LRP1B: variants seen among roughly 807,000 people sequenced by gnomAD.
LRP1B encodes the protein LDL receptor related protein 1B.
A neutral mutation model predicts 556.6 loss-of-function variants in LRP1B; 217 were observed. The observed-to-expected ratio is 0.39, with a 90% CI of 0.35 to 0.44. The LOEUF (loss-of-function observed/expected upper bound fraction) is 0.44, where lower values mean the gene tolerates loss of function less well. LRP1B is among the 20% of genes least tolerant of loss of function. The probability of loss-of-function intolerance (pLI) is 1.00; values close to 1 mark genes in which losing one functional copy is unlikely to be tolerated. For synonymous variants in LRP1B, 2,047 were observed against 1,865.8 expected (o/e 1.10, Z -2.50); for missense variants, 5,053 against 5,620.8 (o/e 0.90, Z 3.23).
rs766533788 is a variant in LRP1B, at chr2:141,498,233, AAC to A, written c.206-17702_206-17701del. On this transcript the variant is annotated intron_variant, in intron 2 of 90. Transcript: ENST00000389484. ...ACACATTTTTAAACAAAACCAAACA[AAC>A]AAAAAACAGGAAGACTTTGGTGGTC... Among the ~76,000 whole-genome samples the A allele has an allele frequency of 4.4e-3, 656 of 148,582 alleles. 2 individuals are homozygous for A. The highest frequency in any genetic ancestry group is 8.2e-3 in the Non-Finnish European group (554 of 67,170).
rs182678803 is a variant in LRP1B at position 140,467,873 on chromosome 2, A to G, written c.9625+7265T>C. ...TAAAATGCAAGGAGAGAAAGGAATT[A>G]CAAATGGAATTTATAACCAAAATGA... On this transcript the variant is annotated intron_variant, in intron 60 of 90. Coordinates refer to ENST00000389484, the MANE Select transcript of LRP1B (RefSeq NM_018557.3). Among the ~76,000 whole-genome samples the G allele has an allele frequency of 1.7e-3, 253 of 152,332 alleles. 3 individuals carry two copies. The highest frequency in any genetic ancestry group is 2.3e-3 in the Non-Finnish European group (155 of 68,032).
chr2:140,776,504 T>TTTTTTTTTGAGACGGAGTCTCGCTC (rs1383262771), intron 32 of LRP1B, among the ~76,000 whole-genome samples: 1 of 148,684 alleles, frequency 6.7e-6, no homozygotes, highest in Non-Finnish European at 1.5e-5. Flanking sequence ...TTCTTATATT[T>TTTTTTTTTGAGACGGAGTCTCGCTC]TACATAACAT....
chr2:140,619,367 T>C (rs1683373176), intron 41 of LRP1B, among the ~76,000 whole-genome samples: 2 of 152,128 alleles, frequency 1.3e-5, no homozygotes, highest in African/African-American at 2.4e-5. Context: ...TAAAGATATG[T>C]GTGTGTATGT....
At chr2:140,957,479 A>C (rs184976092) in intron 18 of LRP1B, among the ~76,000 whole-genome samples, 1 of 146,908 alleles carries the variant, frequency 6.8e-6, no homozygotes, top group African/African-American at 2.4e-5. Context: ...TAGGAAGTAC[A>C]TATACAATGA....
At chr2:141,487,131 C>A (rs927222318) in intron 2 of LRP1B, among the ~76,000 whole-genome samples, 3 of 152,106 alleles carry the variant, frequency 2.0e-5, no homozygotes, top group Non-Finnish European at 2.9e-5. Context: ...CCACCTTTTG[C>A]CTGGGAAACA....
intron 27 of LRP1B, among the ~76,000 whole-genome samples, chr2:140,857,229 A>G (rs1255882230): frequency 1.3e-5 from 2 of 152,156 alleles, no homozygotes; most frequent in Non-Finnish European, 2.9e-5. Context: ...ATCATGCTCA[A>G]AGCAGAATGC....
chr2:141,650,167 A>T (rs754390087), intron 2 of LRP1B, among the ~76,000 whole-genome samples: 1 of 152,160 alleles, frequency 6.6e-6, no homozygotes, highest in Non-Finnish European at 1.5e-5. Context: ...GTGACAGAGC[A>T]AAGAGGAATG....
intron 47 of LRP1B, 104 bp from the exon 48 acceptor site, chr2:140,526,454 G>A: frequency 1.2e-6 from 1 of 829,752 alleles, no homozygotes; most frequent in Non-Finnish European, 1.9e-6. Context: ...GTTTGGTTTT[G>A]CTTTCGTAAC....
intron 7 of LRP1B, among the ~76,000 whole-genome samples, chr2:141,089,571 G>C (rs1159397686): frequency 6.6e-6 from 1 of 152,178 alleles, no homozygotes; most frequent in Non-Finnish European, 1.5e-5. Context: ...TATTATATTA[G>C]TTTTATATTC....
In LRP1B at chr2:140,270,363, A is replaced by T. The variant is rs759609807; in HGVS notation, c.13143-17T>A. 6.7e-7 allele frequency: 1 copy of T among 1,502,686 alleles called. No homozygotes were observed. Among genetic ancestry groups the T allele is most frequent in the Non-Finnish European group, 9.3e-7 (1 of 1,079,238 alleles). The allele number at this position is 1,502,686 out of a possible 1,614,324, so 93.1% of individuals were successfully genotyped here. ...TTAGTGCAGCTGCAACAACAAAGAAAAAAAGAACAATTTCATTGTTATTGG... is the reference window on the plus strand; with the variant it reads ...TTAGTGCAGCTGCAACAACAAAGAATAAAAGAACAATTTCATTGTTATTGG... On this transcript the variant is annotated splice_polypyrimidine_tract_variant and intron_variant, in intron 85 of 90. Transcript: ENST00000389484.
intron 1 of LRP1B, among the ~76,000 whole-genome samples, chr2:141,985,851 A>G (rs901466977): frequency 6.6e-6 from 1 of 151,976 alleles, no homozygotes; most frequent in African/African-American, 2.4e-5. Context: ...ATGAATCCCC[A>G]AAATGATTTG....
At chr2:141,415,207 G>T (rs1219489821) in intron 3 of LRP1B, among the ~76,000 whole-genome samples, 1 of 152,098 alleles carries the variant, frequency 6.6e-6, no homozygotes. Flanking sequence ...TAGAGACGGG[G>T]TTTCACCGTA....
At chr2:141,904,358 A>G (rs1013267774) in intron 1 of LRP1B, among the ~76,000 whole-genome samples, 1 of 151,830 alleles carries the variant, frequency 6.6e-6, no homozygotes, top group Non-Finnish European at 1.5e-5. Flanking sequence ...ACTGATAGCA[A>G]GGGTGTGAGG....
intron 17 of LRP1B, among the ~76,000 whole-genome samples, chr2:140,987,768 T>A (rs1418499162): frequency 6.6e-6 from 1 of 152,066 alleles, no homozygotes; most frequent in Non-Finnish European, 1.5e-5. Flanking sequence ...GCACATCACT[T>A]GCAGCCAGGA....
chr2:140,863,663 A>G lies in LRP1B; in HGVS notation c.4579+3927T>C, dbSNP rs565373382. Reference sequence around the variant, plus strand: ...AAAATGCAACCCCTCCAAGTTAGTAATTTGCCTCAGGTAACATGGCTAGTG... The same window carrying G: ...AAAATGCAACCCCTCCAAGTTAGTAGTTTGCCTCAGGTAACATGGCTAGTG... On this transcript the variant is annotated intron_variant, in intron 27 of 90. Transcript: ENST00000389484. 7.9e-5 allele frequency among the ~76,000 whole-genome samples: 12 copies of G among 152,208 alleles called. No homozygotes were observed. In the South Asian group the frequency reaches 2.3e-3, roughly 29 times the overall value.
Position 141,510,062 on chromosome 2 carries a change from A to G in LRP1B, c.206-29529T>C, listed in dbSNP as rs1457447012. ...GGGGACCAAAAAATGACAATTCAGAAAAAAAAGTACTCTTTCTCATTTCTA... is the reference window on the plus strand; with the variant it reads ...GGGGACCAAAAAATGACAATTCAGAGAAAAAAGTACTCTTTCTCATTTCTA... On this transcript the variant is annotated intron_variant, in intron 2 of 90. Transcript: ENST00000389484. 2.6e-5 allele frequency among the ~76,000 whole-genome samples: 4 copies of G among 152,096 alleles called. 1 individual carries two copies. The highest frequency in any genetic ancestry group is 2.0e-4 in the Admixed American group (3 of 15,244).
At chr2:140,277,481 G>A (rs1030517832) in intron 84 of LRP1B, among the ~76,000 whole-genome samples, 3 of 151,918 alleles carry the variant, frequency 2.0e-5, no homozygotes, top group African/African-American at 7.2e-5. Context: ...CAGCTGTTCA[G>A]GAAGCTGAGG....
intron 2 of LRP1B, among the ~76,000 whole-genome samples, chr2:141,536,884 C>T (rs968662119): frequency 2.0e-5 from 3 of 151,748 alleles, no homozygotes; most frequent in African/African-American, 4.8e-5. Context: ...GTGCCAGAGA[C>T]CAGGAAATTA....
intron 66 of LRP1B, among the ~76,000 whole-genome samples, chr2:140,387,420 ATATT>A (rs1185809529): frequency 6.6e-6 from 1 of 152,222 alleles, no homozygotes; most frequent in Non-Finnish European, 1.5e-5. Flanking sequence ...AAGTATTGTT[ATATT>A]TATTTAAACA....
Sources: allele counts gnomAD v4.1 joint callset (sites outside exome capture counted in the v4.1 genomes callset), GRCh38; gene constraint gnomAD v4.1.1; transcripts MANE v1.5; gene names NCBI Gene and HGNC (gene_info 2026-07-23, HGNC 2026-07-21).